Variants in PCDH9 observed in about 807,000 individuals in gnomAD.
PCDH9 encodes protocadherin 9, also known as protocadherin-9.
PCDH9 carries 24 observed loss-of-function variants against 70.6 expected under a neutral mutation model. That is an observed-to-expected ratio of 0.34 (90% CI 0.25 to 0.48). The LOEUF (loss-of-function observed/expected upper bound fraction) is 0.48. PCDH9 is among the 20% of genes least tolerant of loss of function. PCDH9 has a pLI of 0.99. For missense variants in PCDH9, 1,281 were observed against 1,503.6 expected (o/e 0.85, Z 2.45); for synonymous variants, 562 against 558.5 (o/e 1.01, Z -0.09).
chr13:66,322,146 G>A (rs2138091266), intron 4 of PCDH9, among the ~76,000 whole-genome samples: 1 of 151,918 alleles, frequency 6.6e-6, no homozygotes, highest in South Asian at 2.1e-4. Context: ...TGAAGGACAT[G>A]CTAGATTTTT....
At chr13:66,938,579 G>A (rs2082955191) in intron 2 of PCDH9, among the ~76,000 whole-genome samples, 1 of 152,160 alleles carries the variant, frequency 6.6e-6, no homozygotes, top group Admixed American at 6.5e-5. Context: ...AGTTTGCAAT[G>A]TTCTCATCAG....
rs1955414866 is a variant in PCDH9 at position 66,303,978 on chromosome 13, CCTCA to C, written c.*673_*676del. 1 of 152,008 alleles carries C rather than the reference CCTCA, an allele frequency of 6.6e-6. No homozygotes were observed. The highest frequency in any genetic ancestry group is 2.1e-4 in the South Asian group (1 of 4,806). 9.4% of individuals were successfully genotyped at this position (152,008 alleles called of 1,614,324 possible). On this transcript the variant is annotated 3_prime_UTR_variant, in exon 5 of 5. Coordinates refer to ENST00000377865, the MANE Select transcript of PCDH9 (RefSeq NM_203487.3). ...AAGACAGACTACTAACACAGAAACA[CCTCA>C]CTGAAAGAAACAACAAAAATAACAA... is the stretch of plus-strand genomic sequence containing the variant.
In PCDH9 at chr13:66,533,184, T is replaced by C. The variant is rs569277925; in HGVS notation, c.3340+98026A>G. Among the ~76,000 whole-genome samples the C allele has an allele frequency of 8.4e-4, 128 of 152,266 alleles. 1 individual carries two copies. The highest frequency in any genetic ancestry group is 2.7e-3 in the African/African-American group (113 of 41,584). ...CGATGGTGAAACGGAACCAGCTGTT[T>C]CCAGATAATCATGGGTATATTCCAG... On this transcript the variant is annotated intron_variant, in intron 4 of 4. Coordinates refer to ENST00000377865, the MANE Select transcript of PCDH9 (RefSeq NM_203487.3).
chr13:66,935,015 C>T (rs1027618158), intron 2 of PCDH9, among the ~76,000 whole-genome samples: 2 of 151,638 alleles, frequency 1.3e-5, no homozygotes, highest in African/African-American at 4.8e-5. Flanking sequence ...CCACCGCGCC[C>T]GGCCGTGTTT....
At chr13:67,094,027 A>G (rs537288276) in intron 2 of PCDH9, among the ~76,000 whole-genome samples, 32 of 152,192 alleles carry the variant, frequency 2.1e-4, no homozygotes, top group Non-Finnish European at 4.3e-4. Flanking sequence ...AAGAATACAT[A>G]TGCTGATTTA....
At chr13:66,853,148 A>G (rs898270287) in intron 3 of PCDH9, among the ~76,000 whole-genome samples, 1 of 151,298 alleles carries the variant, frequency 6.6e-6, no homozygotes, top group African/African-American at 2.4e-5. Flanking sequence ...GTCAAAAACA[A>G]CAAATGGTGG....
At chr13:66,356,744 C>T (rs1220638851) in intron 4 of PCDH9, among the ~76,000 whole-genome samples, 1 of 152,060 alleles carries the variant, frequency 6.6e-6, no homozygotes, top group Non-Finnish European at 1.5e-5. Context: ...TTACAGTAAG[C>T]TGAATTACTT....
chr13:66,686,545 C>G (rs114467576), intron 3 of PCDH9, among the ~76,000 whole-genome samples: 1,604 of 152,230 alleles, frequency 0.011, 30 homozygotes, highest in African/African-American at 0.036. Flanking sequence ...AAAGTAACAC[C>G]AATTTATCTA....
At chr13:66,461,906 A>G (rs911995961) in intron 4 of PCDH9, among the ~76,000 whole-genome samples, 2 of 151,962 alleles carry the variant, frequency 1.3e-5, no homozygotes. Flanking sequence ...ATGTCAAAAT[A>G]CATATATAGT....
At chr13:66,923,505 T>C (rs1417421695) in intron 2 of PCDH9, among the ~76,000 whole-genome samples, 3 of 151,666 alleles carry the variant, frequency 2.0e-5, no homozygotes, top group Non-Finnish European at 4.4e-5. Flanking sequence ...ATATCCAGTT[T>C]AAAATAAAAA....
At chr13:66,427,672 C>CT (rs1044267545) in intron 4 of PCDH9, among the ~76,000 whole-genome samples, 6 of 151,506 alleles carry the variant, frequency 4.0e-5, no homozygotes, top group East Asian at 1.9e-4. Flanking sequence ...CTCTTCCCAC[C>CT]TTTTTTTTCT....
chr13:66,904,575 C>T (rs17081996), intron 2 of PCDH9, among the ~76,000 whole-genome samples: 2 of 151,700 alleles, frequency 1.3e-5, no homozygotes, highest in African/African-American at 2.4e-5. Flanking sequence ...ATATATGCAT[C>T]GATTTCATTA....
At chr13:66,574,361 C>A (rs1027724075) in intron 4 of PCDH9, among the ~76,000 whole-genome samples, 1 of 152,146 alleles carries the variant, frequency 6.6e-6, no homozygotes, top group African/African-American at 2.4e-5. Context: ...CTGAACCAGA[C>A]CATCTTCCTC....
At chr13:66,935,437 T>C (rs2082900377) in intron 2 of PCDH9, among the ~76,000 whole-genome samples, 3 of 152,216 alleles carry the variant, frequency 2.0e-5, no homozygotes. Flanking sequence ...CAAGGGTCTC[T>C]GTGTTTCCCT....
intron 3 of PCDH9, among the ~76,000 whole-genome samples, chr13:66,830,942 C>A (rs1253013198): frequency 6.6e-6 from 1 of 152,058 alleles, no homozygotes; most frequent in Non-Finnish European, 1.5e-5. Flanking sequence ...GGCACAAGTG[C>A]CATACTGAAA....
chr13:66,556,032 C>T (rs910750584), intron 4 of PCDH9, among the ~76,000 whole-genome samples: 29 of 149,672 alleles, frequency 1.9e-4, no homozygotes, highest in Admixed American at 6.0e-4. Flanking sequence ...AACACAGTTC[C>T]GATAAGTTTT....
At chr13:66,522,565 C>T (rs955449416) in intron 4 of PCDH9, among the ~76,000 whole-genome samples, 3 of 152,012 alleles carry the variant, frequency 2.0e-5, no homozygotes, top group African/African-American at 7.2e-5. Context: ...TTTGACTTCA[C>T]CTGGAAGAAT....
chr13:66,623,274 C>A (rs778744701), intron 4 of PCDH9, among the ~76,000 whole-genome samples: 2 of 152,178 alleles, frequency 1.3e-5, no homozygotes, highest in African/African-American at 4.8e-5. Flanking sequence ...AGATGAGTGT[C>A]CTATAATTAA....
At chr13:66,987,693 AT>A (rs66494405) in intron 2 of PCDH9, among the ~76,000 whole-genome samples, 2 of 151,380 alleles carry the variant, frequency 1.3e-5, no homozygotes, top group African/African-American at 4.8e-5. Flanking sequence ...AGATATTCCA[AT>A]TTTTTTGTAA....
Sources: gnomAD v4.1 joint callset for allele counts (sites outside exome capture counted in the v4.1 genomes callset) on GRCh38, gnomAD v4.1.1 for gene constraint, MANE v1.5 for transcripts, NCBI Gene and HGNC (gene_info 2026-07-23, HGNC 2026-07-21) for gene names.